The following PCSK5 variants were observed in gnomAD, a reference collection of about 807,000 sequenced individuals.
PCSK5 encodes the protein prohormone convertase 5.
In PCSK5, 129 loss-of-function variants were observed where a neutral mutation model predicts 233.2. That is an observed-to-expected ratio of 0.55 (90% CI 0.48 to 0.64). The LOEUF (loss-of-function observed/expected upper bound fraction) is 0.64, where lower values mean the gene tolerates loss of function less well. Ranked by LOEUF, PCSK5 falls within the 30% of genes least tolerant of loss-of-function variation. The pLI, the probability that PCSK5 is intolerant of heterozygous loss-of-function variation, is 0.00. For synonymous variants in PCSK5, 825 were observed against 879.2 expected (o/e 0.94, Z 1.09); for missense variants, 2,076 against 2,430.1 (o/e 0.85, Z 3.06).
intron 2 of PCSK5, among the ~76,000 whole-genome samples, chr9:75,962,620 C>T (rs1358312403): frequency 6.6e-6 from 1 of 152,178 alleles, no homozygotes; most frequent in Admixed American, 6.5e-5. Flanking sequence ...AAGAGGCAGG[C>T]TGAAGTAGAC....
upstream of PCSK5, among the ~76,000 whole-genome samples, chr9:75,890,292 T>A (rs1228170121): frequency 6.6e-6 from 1 of 152,238 alleles, no homozygotes; most frequent in Non-Finnish European, 1.5e-5. Context: ...AGTGACCTCC[T>A]TAAATGCCTA....
chr9:76,351,464 G>GA (rs1187514145), intron 36 of PCSK5, among the ~76,000 whole-genome samples: 2 of 42,418 alleles, frequency 4.7e-5, no homozygotes, highest in East Asian at 2.4e-3. Context: ...AAGAAAGAAA[G>GA]AAAGAAAGAA....
intron 14 of PCSK5, among the ~76,000 whole-genome samples, chr9:76,178,468 T>A (rs1182219898): frequency 6.6e-6 from 1 of 152,182 alleles, no homozygotes; most frequent in African/African-American, 2.4e-5. Flanking sequence ...GCCACTGAAA[T>A]TCTTGGAAAA....
intron 24 of PCSK5, among the ~76,000 whole-genome samples, chr9:76,273,348 T>C (rs1827584415): frequency 6.6e-6 from 1 of 152,178 alleles, no homozygotes; most frequent in East Asian, 1.9e-4. Context: ...TTCTACTTGC[T>C]TCATTCCCCC....
intron 20 of PCSK5, chr9:76,195,918 TTC>T (rs1302860103): frequency 6.6e-6 from 1 of 152,190 alleles, no homozygotes; most frequent in African/African-American, 2.4e-5. Flanking sequence ...ACGTATAAAC[TTC>T]TCTGAAAGGG....
intron 11 of PCSK5, among the ~76,000 whole-genome samples, chr9:76,157,524 G>T (rs1822645960): frequency 6.6e-6 from 1 of 151,892 alleles, no homozygotes. Context: ...CCAAAGAGTG[G>T]TACAAAATGT....
chr9:75,932,334 TTAA>T (rs747582633), intron 1 of PCSK5, 42 bp from the exon 2 acceptor site: 1 of 1,182,550 alleles, frequency 8.5e-7, no homozygotes, highest in South Asian at 1.3e-5. Flanking sequence ...TTTTCACACA[TTAA>T]TGTCTTTTTT....
intron 5 of PCSK5, among the ~76,000 whole-genome samples, chr9:76,052,486 A>G (rs1829664737): frequency 1.3e-5 from 2 of 152,164 alleles, no homozygotes; most frequent in African/African-American, 4.8e-5. Flanking sequence ...TTATAAAACC[A>G]TCACCTCTCA....
In PCSK5 at chr9:76,085,358, T is replaced by A. The variant is rs1309813574; in HGVS notation, c.895-10532T>A. Among the ~76,000 whole-genome samples, 4 of 152,340 alleles carry A rather than the reference T, an allele frequency of 2.6e-5. No homozygotes were observed. In the East Asian group the frequency reaches 7.7e-4, roughly 29 times the overall value. On this transcript the variant is annotated intron_variant, in intron 7 of 37. Coordinates refer to ENST00000674117, the MANE Select transcript of PCSK5 (RefSeq NM_001372043.1). ...TATAGAGTCCCTCTCTTGCTCCATT[T>A]GGTTACTGTCTAGCTATTTCACCGG...
At chr9:76,037,828 G>C (rs1319222979) in intron 5 of PCSK5, among the ~76,000 whole-genome samples, 1 of 152,132 alleles carries the variant, frequency 6.6e-6, no homozygotes, top group Non-Finnish European at 1.5e-5. Context: ...CCAAGGAATT[G>C]AGAAGAGCAG....
rs138680465 is a variant in PCSK5 at position 75,926,072 on chromosome 9, C to T, written c.193-6307C>T. On this transcript the variant is annotated intron_variant, in intron 1 of 37. Transcript: ENST00000674117. The stretch of plus-strand genomic sequence containing the variant: ...GCAGGTAGGAACAAGTGTGAGCTGG[C>T]GGACACATTCCAGCTCCACATCATG... 2.7e-4 allele frequency among the ~76,000 whole-genome samples: 41 copies of T among 152,222 alleles called. 1 individual carries two copies. The East Asian group carries it at 5.4e-3, about 20-fold the overall frequency.
chr9:76,353,923 C>G (rs139301988), intron 36 of PCSK5, 110 bp from the exon 37 acceptor site: 44 of 744,518 alleles, frequency 5.9e-5, no homozygotes, highest in African/African-American at 3.7e-4. Context: ...CTTCTGCTGT[C>G]CCCCACACAT....
intron 20 of PCSK5, among the ~76,000 whole-genome samples, chr9:76,215,958 C>G (rs1196569001): frequency 1.3e-5 from 2 of 151,050 alleles, no homozygotes; most frequent in African/African-American, 2.4e-5. Flanking sequence ...AAAATTAAAA[C>G]AAAAAAAAAT....
intron 12 of PCSK5, among the ~76,000 whole-genome samples, chr9:76,162,012 C>T (rs576904684): frequency 5.8e-4 from 88 of 152,228 alleles, no homozygotes; most frequent in Non-Finnish European, 9.3e-4. Flanking sequence ...CCATCTCAGT[C>T]CTGAAAATAA....
chr9:76,016,098 A>G (rs1345059060), intron 3 of PCSK5, among the ~76,000 whole-genome samples: 1 of 152,198 alleles, frequency 6.6e-6, no homozygotes, highest in East Asian at 1.9e-4. Context: ...TAGCCTTCCT[A>G]CACTTCCCCC....
At chr9:75,895,158 C>CG (rs2131183123) in intron 1 of PCSK5, among the ~76,000 whole-genome samples, 1 of 152,298 alleles carries the variant, frequency 6.6e-6, no homozygotes, top group South Asian at 2.1e-4. Flanking sequence ...CTAGAGCCCC[C>CG]CCATTGACAG....
At chr9:76,094,283 T>C (rs1564022402) in intron 7 of PCSK5, among the ~76,000 whole-genome samples, 1 of 152,098 alleles carries the variant, frequency 6.6e-6, no homozygotes, top group African/African-American at 2.4e-5. Context: ...TAAGACAGCA[T>C]CCCCCAAATG....
At chr9:76,220,481 T>A (rs957636683) in intron 20 of PCSK5, among the ~76,000 whole-genome samples, 4 of 137,618 alleles carry the variant, frequency 2.9e-5, no homozygotes, top group Non-Finnish European at 6.0e-5. Flanking sequence ...GAGCTGAAAA[T>A]GCGCCACAGC....
intron 8 of PCSK5, among the ~76,000 whole-genome samples, chr9:76,106,120 C>G (rs1388964940): frequency 6.6e-6 from 1 of 152,142 alleles, no homozygotes; most frequent in African/African-American, 2.4e-5. Flanking sequence ...CTGCCTGGAT[C>G]CCCCTTCACC....
Sources: allele counts gnomAD v4.1 joint callset (sites outside exome capture counted in the v4.1 genomes callset), GRCh38; gene constraint gnomAD v4.1.1; transcripts MANE v1.5; gene names NCBI Gene and HGNC (gene_info 2026-07-23, HGNC 2026-07-21).